The following P4HB variants were observed in gnomAD, a reference collection of about 807,000 sequenced individuals.
The protein encoded by P4HB is protein disulfide-isomerase.
A neutral mutation model predicts 52.6 loss-of-function variants in P4HB; 20 were observed. The observed-to-expected ratio is 0.38, with a 90% confidence interval of 0.27 to 0.55. The LOEUF is 0.55. Among genes scored for constraint, P4HB ranks in the 20% least tolerant of loss-of-function variants. The pLI, the probability that P4HB is intolerant of heterozygous loss-of-function variation, is 0.74. For missense variants in P4HB, 601 were observed against 669.2 expected (o/e 0.90, Z 1.12); for synonymous variants, 296 against 277.9 (o/e 1.07, Z -0.65).
At position 81,846,956 on chromosome 17, in the gene P4HB, G is replaced by A. The variant is rs374842584; in HGVS notation, c.846C>T (p.Phe282=). The A allele has an allele frequency of 3.7e-6, 6 of 1,613,932 alleles. No individual in the cohort carries two copies. The highest frequency in any genetic ancestry group is 5.1e-6 in the Non-Finnish European group (6 of 1,180,018). ...LSNFKTAAES[F]KGKILFIFID... is the part of the protein sequence containing the mutation. ...CAGAAGAGCAGCTCACCTTGCCCTT[G>A]AAGCTCTCGGCTGCTGTTTTGAAGT... Residue 282 remains phenylalanine, a synonymous_variant, in exon 6 of 11, where the codon TTC becomes TTT. Coordinates refer to ENST00000331483, the MANE Select transcript of P4HB (RefSeq NM_000918.4). This position sits in a 1 kb window ranked among gnomAD's most constrained non-coding sequence, Gnocchi z 5.7.
Position 81,844,016 on chromosome 17 carries a change from A to G in P4HB, c.1523T>C (p.Leu508Pro). Residue 508 changes from leucine (L) to proline (P), a missense_variant, in exon 11 of 11, where the codon CTG (leucine) becomes CCG (proline). Coordinates refer to ENST00000331483, the MANE Select transcript of P4HB (RefSeq NM_000918.4). ...DDDQKAVKDE[L>P] ...GCCCGGGTCTGGCTTTGCGTATTAC[A>G]GTTCATCTTTCACAGCTTTCTGATC... 1 of 1,612,252 alleles carries G rather than the reference A, an allele frequency of 6.2e-7. No individual in the cohort carries two copies. Among genetic ancestry groups the G allele is most frequent in the Non-Finnish European group, 8.5e-7 (1 of 1,178,358 alleles).
intron 2 of P4HB, among the ~76,000 whole-genome samples, chr17:81,856,895 G>T (rs553708020): frequency 2.6e-4 from 39 of 151,704 alleles, no homozygotes; most frequent in Non-Finnish European, 1.9e-4. Context: ...TGATCCGCCC[G>T]CCTCGGCCTC....
Position 81,855,486 on chromosome 17 carries a change from C to T in P4HB, c.453G>A (p.Glu151=), listed in dbSNP as rs777030155. The T allele has an allele frequency of 6.2e-7, 1 of 1,613,784 alleles. No homozygotes were observed. Among genetic ancestry groups the T allele is most frequent in the Non-Finnish European group, 8.5e-7 (1 of 1,179,910 alleles). The change falls in exon 3 of 11, where the codon GAG becomes GAA. Residue 151 remains glutamate (E), a synonymous_variant. Coordinates refer to ENST00000331483, the MANE Select transcript of P4HB (RefSeq NM_000918.4). The surrounding 1 kb of genome is among the most constrained non-coding windows in gnomAD (Gnocchi z 4.3). ...PDGAAAESLV[E]SSEVAVIGFF... ...AGCCGATGACAGCCACCTCGCTGGA[C>T]TCCACCAAGGACTCTGCAGCTGCGC...
intron 5 of P4HB, 34 bp from the exon 6 acceptor site, chr17:81,847,106 C>T: frequency 6.2e-7 from 1 of 1,613,448 alleles, no homozygotes; most frequent in Non-Finnish European, 8.5e-7. Context: ...GGGTCTGAGT[C>T]ACACACTATT....
chr17:81,859,772 C>G (rs2038968587), intron 1 of P4HB: 1 of 303,680 alleles, frequency 3.3e-6, no homozygotes, highest in Non-Finnish European at 6.4e-6. Flanking sequence ...TGTACCAGCA[C>G]TAGCTGTGAG....
At position 81,854,597 on chromosome 17, in the gene P4HB, A is replaced by G. The variant is rs544718144; in HGVS notation, c.624+545T>C. Among the ~76,000 whole-genome samples the G allele has an allele frequency of 8.5e-5, 13 of 152,084 alleles. No homozygotes were observed. In the East Asian group the frequency reaches 2.5e-3, roughly 29 times the overall value. ...CGCGGTGGCTCACATCTGTAATCCC[A>G]GCACTTTGGGAGGCTGAGGTGGGTG... On this transcript the variant is annotated intron_variant, in intron 4 of 10. Coordinates refer to ENST00000331483, the MANE Select transcript of P4HB (RefSeq NM_000918.4).
At chr17:81,844,600 C>A (rs1484591848) in intron 10 of P4HB, among the ~76,000 whole-genome samples, 1 of 152,208 alleles carries the variant, frequency 6.6e-6, no homozygotes, top group African/African-American at 2.4e-5. Flanking sequence ...CCACTGTGCA[C>A]CAGCACTCCC....
At chr17:81,851,398 T>A (rs902916363) in intron 4 of P4HB, among the ~76,000 whole-genome samples, 2 of 152,238 alleles carry the variant, frequency 1.3e-5, no homozygotes, top group South Asian at 4.1e-4. Flanking sequence ...AAGGAGCTGA[T>A]GTTAAACCAG....
At chr17:81,848,341 G>A (rs1427786376) in intron 4 of P4HB, among the ~76,000 whole-genome samples, 14 of 152,248 alleles carry the variant, frequency 9.2e-5, no homozygotes, top group African/African-American at 3.4e-4. Context: ...AATCCTGCTG[G>A]AGGAATCTAA....
chr17:81,845,339 C>T, intron 9 of P4HB, 109 bp from the exon 10 acceptor site: 1 of 980,690 alleles, frequency 1.0e-6, no homozygotes, highest in Non-Finnish European at 1.6e-6. Context: ...TCCGGTGGCT[C>T]ACACCCGGAA....
chr17:81,855,407 C>T lies in P4HB; in HGVS notation c.486+46G>A, dbSNP rs200314759. The T allele has an allele frequency of 2.5e-6, 4 of 1,598,124 alleles. No homozygotes were observed. Among genetic ancestry groups the T allele is most frequent in the Non-Finnish European group, 3.4e-6 (4 of 1,169,516 alleles). ...CAGCTGCAGGCTGTGGACCCCTCCT[C>T]AATGGATGACGGAAGGAAGGAAGAC... On this transcript the variant is annotated intron_variant, in intron 3 of 10. Transcript: ENST00000331483. The surrounding 1 kb of genome is among the most constrained non-coding windows in gnomAD (Gnocchi z 4.3).
At chr17:81,848,092 G>A (rs1280753175) in intron 4 of P4HB, among the ~76,000 whole-genome samples, 1 of 152,092 alleles carries the variant, frequency 6.6e-6, no homozygotes, top group Non-Finnish European at 1.5e-5. Context: ...TAGTAGAGAT[G>A]GGTTTCACCA....
rs759144997 is a variant in P4HB, at chr17:81,859,201, G to T, written c.332C>A (p.Ala111Asp). Residue 111 changes from alanine (A) to aspartate (D), a missense_variant, in exon 2 of 11, where the codon GCT becomes GAT. Coordinates refer to ENST00000331483, the MANE Select transcript of P4HB (RefSeq NM_000918.4). Reference sequence around the variant, plus strand: ...CACACCTGTATATTCCTTGGGGGAAGCCGTGTCTCCATTCCTGAAGAACTT... The same window carrying T: ...CACACCTGTATATTCCTTGGGGGAATCCGTGTCTCCATTCCTGAAGAACTT... ...TIKFFRNGDT[A>D]SPKEYTAGRE... 3.1e-6 allele frequency: 5 copies of T among 1,613,770 alleles called. No individual in the cohort carries two copies. The African/African-American group carries it at 5.3e-5, about 17-fold the overall frequency.
At chr17:81,854,125 G>A (rs561137785) in intron 4 of P4HB, among the ~76,000 whole-genome samples, 1 of 152,388 alleles carries the variant, frequency 6.6e-6, no homozygotes, top group East Asian at 1.9e-4. Context: ...CATACGAAGT[G>A]TGGGTGCCAC....
rs1340911277 is a variant in P4HB, at chr17:81,845,224, C to T, written c.1366G>A (p.Asp456Asn). Reference protein sequence around the residue: ...FPASADRTVIDYNGERTLDGF... With the variant: ...FPASADRTVINYNGERTLDGF... The stretch of plus-strand genomic sequence containing the variant: ...TCCAGCGTGCGTTCCCCGTTGTAAT[C>T]AATGACCTGTGGAAGACAGGGATGA... Residue 456 changes from aspartate (D) to asparagine (N), a missense_variant, in exon 10 of 11, where the codon GAT becomes AAT. Asp to Asn is a conservative substitution (Grantham distance 23). Coordinates refer to ENST00000331483, the MANE Select transcript of P4HB (RefSeq NM_000918.4). 6.2e-7 allele frequency: 1 copy of T among 1,613,186 alleles called. No homozygotes were observed.
Position 81,855,488 on chromosome 17 carries a change from C to CCA in P4HB, c.449_450dup (p.Glu151TrpfsTer123). The CCA allele has an allele frequency of 1.2e-6, 2 of 1,613,856 alleles. No homozygotes were observed. The highest frequency in any genetic ancestry group is 1.7e-6 in the Non-Finnish European group (2 of 1,179,958). On this transcript the variant is annotated frameshift_variant, in exon 3 of 11. Coordinates refer to ENST00000331483, the MANE Select transcript of P4HB (RefSeq NM_000918.4). LOFTEE classifies it high-confidence loss of function. This position sits in a 1 kb window ranked among gnomAD's most constrained non-coding sequence, Gnocchi z 4.3. Reference sequence around the variant, plus strand: ...CCGATGACAGCCACCTCGCTGGACTCCACCAAGGACTCTGCAGCTGCGCCG... The same window carrying CCA: ...CCGATGACAGCCACCTCGCTGGACTCCACACCAAGGACTCTGCAGCTGCGCCG...
intron 4 of P4HB, among the ~76,000 whole-genome samples, chr17:81,854,235 T>G (rs2038878961): frequency 6.6e-6 from 1 of 152,230 alleles, no homozygotes. Flanking sequence ...ATGTAGTTAA[T>G]ACTTTAGAAT....
At position 81,847,247 on chromosome 17, in the gene P4HB, T is replaced by C. The variant is rs1470946627; in HGVS notation, c.725A>G (p.Glu242Gly). The change falls in exon 5 of 11, where the codon GAG (glutamate) becomes GGG (glycine). Residue 242 changes from glutamate (E) to glycine (G), a missense_variant. By Grantham distance (98) the Glu-to-Gly change is moderately conservative. Coordinates refer to ENST00000331483, the MANE Select transcript of P4HB (RefSeq NM_000918.4). Reference sequence around the variant, plus strand: ...GGGGCTGCAGGGCAGCCGCACCTGCTCGGTGAACTCGATGACAAGGGGCAG... The same window carrying C: ...GGGGCTGCAGGGCAGCCGCACCTGCCCGGTGAACTCGATGACAAGGGGCAG... Reference protein sequence around the residue: ...NQLPLVIEFTEQTAPKIFGGE... With the variant: ...NQLPLVIEFTGQTAPKIFGGE... The C allele has an allele frequency of 2.5e-6, 4 of 1,613,746 alleles. No homozygotes were observed. The highest frequency in any genetic ancestry group is 2.7e-5 in the African/African-American group (2 of 74,876).
In P4HB at chr17:81,859,329, C is replaced by T; in HGVS notation, c.204G>A (p.Gly68=). The T allele has an allele frequency of 6.2e-7, 1 of 1,613,932 alleles. No individual in the cohort carries two copies. Residue 68 remains glycine, a synonymous_variant, in exon 2 of 11, where the codon GGG becomes GGA. Coordinates refer to ENST00000331483, the MANE Select transcript of P4HB (RefSeq NM_000918.4). The part of the protein sequence containing the change: ...ALAPEYAKAA[G]KLKAEGSEIR... ...TCTCGGAACCTTCTGCCTTCAGCTT[C>T]CCAGCGGCTTTGGCATACTCAGGGG...
Sources: allele counts gnomAD v4.1 joint callset (sites outside exome capture counted in the v4.1 genomes callset), GRCh38; gene constraint gnomAD v4.1.1; non-coding constraint Gnocchi (gnomAD v3.1); transcripts MANE v1.5; gene names NCBI Gene and HGNC (gene_info 2026-07-23, HGNC 2026-07-21).